Variants in ADGRL2 observed in about 807,000 individuals in gnomAD.
ADGRL2 encodes the protein adhesion G protein-coupled receptor L2, also known as calcium-independent alpha-latrotoxin receptor 2.
Under a neutral mutation model 157.4 loss-of-function variants are expected in ADGRL2, and 44 were observed. The ratio of observed to expected loss-of-function variants is 0.28; its 90% confidence interval spans 0.22 to 0.36. The LOEUF (loss-of-function observed/expected upper bound fraction) is 0.36, where lower values mean the gene tolerates loss of function less well. ADGRL2 is among the 10% of genes least tolerant of loss of function. The pLI, the probability that ADGRL2 is intolerant of heterozygous loss-of-function variation, is 1.00. For missense variants in ADGRL2, 1,510 were observed against 1,768.9 expected (o/e 0.85, Z 2.63); for synonymous variants, 585 against 624.7 (o/e 0.94, Z 0.95).
At chr1:81,964,635 T>G (rs1025923651) in intron 11 of ADGRL2, among the ~76,000 whole-genome samples, 2 of 152,034 alleles carry the variant, frequency 1.3e-5, no homozygotes, top group Non-Finnish European at 2.9e-5. Context: ...TTGCAGAAGA[T>G]TAAAAAAATT....
intron 3 of ADGRL2, among the ~76,000 whole-genome samples, chr1:81,621,008 A>G (rs1345395797): frequency 6.6e-6 from 1 of 152,178 alleles, no homozygotes; most frequent in Admixed American, 6.5e-5. Flanking sequence ...TTCCATCAGA[A>G]TCTCAACAGG....
intron 1 of ADGRL2, among the ~76,000 whole-genome samples, chr1:81,388,819 A>C (rs2076484421): frequency 6.6e-6 from 1 of 152,162 alleles, no homozygotes; most frequent in South Asian, 2.1e-4. Flanking sequence ...AAACCAAGCG[A>C]TACTCAATGC....
chr1:81,600,397 C>T (rs1250525276), intron 3 of ADGRL2, among the ~76,000 whole-genome samples: 2 of 152,178 alleles, frequency 1.3e-5, no homozygotes, highest in African/African-American at 4.8e-5. Context: ...TTTTTCTTCT[C>T]TTCTATGGCC....
intron 1 of ADGRL2, among the ~76,000 whole-genome samples, chr1:81,407,802 G>A (rs575610267): frequency 1.3e-4 from 20 of 152,276 alleles, no homozygotes; most frequent in Admixed American, 4.6e-4. Flanking sequence ...AGGGGAAGGA[G>A]AAAAGAAGGG....
At position 81,374,235 on chromosome 1, in the gene ADGRL2, A is replaced by G. The variant is rs369738804; in HGVS notation, c.-302+67726A>G. On this transcript the variant is annotated intron_variant, in intron 1 of 24. Coordinates refer to the ADGRL2 transcript ENST00000370721. ...CATTAAAGCACACAACAAAGCCCCA[A>G]CGTGACACAATAAGTGGAGTAAAAA... Among the ~76,000 whole-genome samples the G allele has an allele frequency of 2.2e-4, 34 of 152,296 alleles. No individual in the cohort carries two copies. In the East Asian group the frequency reaches 3.5e-3, roughly 16 times the overall value.
chr1:81,696,702 A>C (rs2149013083), upstream of ADGRL2, among the ~76,000 whole-genome samples: 1 of 152,346 alleles, frequency 6.6e-6, no homozygotes, highest in African/African-American at 2.4e-5. Flanking sequence ...CAGTGAGCCA[A>C]GATCACACCA....
intron 2 of ADGRL2, among the ~76,000 whole-genome samples, chr1:81,530,429 CT>C (rs1329256502): frequency 1.6e-5 from 1 of 63,748 alleles, no homozygotes; most frequent in Non-Finnish European, 2.8e-5. Flanking sequence ...TCACTGCAAC[CT>C]CCACCTCCCT....
At chr1:81,826,471 G>T (rs979100002) in intron 1 of ADGRL2, among the ~76,000 whole-genome samples, 8 of 152,156 alleles carry the variant, frequency 5.3e-5, no homozygotes, top group African/African-American at 1.2e-4. Flanking sequence ...AGCCTGAATT[G>T]TGTGAAATTG....
intron 3 of ADGRL2, among the ~76,000 whole-genome samples, chr1:81,655,490 T>A (rs752891887): frequency 1.2e-4 from 19 of 152,184 alleles, no homozygotes; most frequent in Non-Finnish European, 2.4e-4. Context: ...CAGTTTCCAG[T>A]TCCATCTCTC....
At chr1:81,635,617 A>G (rs2082100196) in intron 3 of ADGRL2, among the ~76,000 whole-genome samples, 1 of 152,158 alleles carries the variant, frequency 6.6e-6, no homozygotes, top group Non-Finnish European at 1.5e-5. Context: ...GTGCTCACAA[A>G]ACAGAAGGGG....
chr1:81,741,332 G>A (rs989202248), intron 1 of ADGRL2, among the ~76,000 whole-genome samples: 1 of 151,940 alleles, frequency 6.6e-6, no homozygotes, highest in East Asian at 1.9e-4. Flanking sequence ...CTACTGGGCA[G>A]TATATTTTAC....
At chr1:81,623,550 A>G (rs1377449998) in intron 3 of ADGRL2, among the ~76,000 whole-genome samples, 1 of 152,004 alleles carries the variant, frequency 6.6e-6, no homozygotes, top group Non-Finnish European at 1.5e-5. Flanking sequence ...TTATATTTGG[A>G]AATAGGGTAT....
intron 1 of ADGRL2, among the ~76,000 whole-genome samples, chr1:81,386,104 T>G (rs1277018211): frequency 1.3e-5 from 2 of 152,184 alleles, no homozygotes; most frequent in Non-Finnish European, 2.9e-5. Flanking sequence ...GAAAGAATTT[T>G]ATTTCTTTTT....
chr1:81,967,629 T>G (rs1336209579), intron 13 of ADGRL2, among the ~76,000 whole-genome samples: 3 of 152,180 alleles, frequency 2.0e-5, no homozygotes, highest in Admixed American at 6.5e-5. Flanking sequence ...GTGTATCTCT[T>G]AGAACTAACC....
chr1:81,545,878 G>T (rs1570454656), intron 2 of ADGRL2, among the ~76,000 whole-genome samples: 1 of 152,058 alleles, frequency 6.6e-6, no homozygotes, highest in East Asian at 1.9e-4. Context: ...GAAAACAAGA[G>T]CCATGGGGCA....
At chr1:81,544,025 C>T (rs980010624) in intron 2 of ADGRL2, among the ~76,000 whole-genome samples, 1 of 152,084 alleles carries the variant, frequency 6.6e-6, no homozygotes, top group Admixed American at 6.5e-5. Context: ...GTGATGCCTT[C>T]TCAGTGGGAC....
intron 1 of ADGRL2, among the ~76,000 whole-genome samples, chr1:81,338,695 T>C (rs2100747772): frequency 6.6e-6 from 1 of 152,300 alleles, no homozygotes; most frequent in African/African-American, 2.4e-5. Context: ...TCTAAGTGAT[T>C]CTTTATCCCT....
At chr1:81,631,852 T>C (rs2082016448) in intron 3 of ADGRL2, among the ~76,000 whole-genome samples, 1 of 152,256 alleles carries the variant, frequency 6.6e-6, no homozygotes, top group Admixed American at 6.5e-5. Flanking sequence ...TTTCCTTGAA[T>C]GGCTGGTAAA....
At chr1:81,486,498 ATACT>A (rs1398571115) in intron 2 of ADGRL2, among the ~76,000 whole-genome samples, 4 of 152,222 alleles carry the variant, frequency 2.6e-5, no homozygotes, top group Non-Finnish European at 4.4e-5. Context: ...CTAAATCTAA[ATACT>A]TACAGGCCAA....
Sources: allele counts gnomAD v4.1 joint callset (sites outside exome capture counted in the v4.1 genomes callset), GRCh38; gene constraint gnomAD v4.1.1; transcripts MANE v1.5; gene names NCBI Gene and HGNC (gene_info 2026-07-23, HGNC 2026-07-21).